The following HHIPL1 variants were observed in gnomAD, a reference collection of about 807,000 sequenced individuals.
The protein encoded by HHIPL1 is HHIP like 1.
Under a neutral mutation model 61.8 loss-of-function variants are expected in HHIPL1, and 43 were observed. That is an observed-to-expected ratio of 0.70 (90% CI 0.55 to 0.90). The LOEUF is 0.90. Ranked by LOEUF, HHIPL1 falls within the 40% of genes least tolerant of loss-of-function variation. The pLI is 0.00. For missense variants in HHIPL1, 1,056 were observed against 1,157.7 expected (o/e 0.91, Z 1.28); for synonymous variants, 482 against 515.8 (o/e 0.93, Z 0.89).
chr14:99,636,544 C>T, the HHIPL1 span, among the ~76,000 whole-genome samples: 7 of 152,128 alleles, frequency 4.6e-5, no homozygotes, highest in Non-Finnish European at 7.3e-5. Flanking sequence ...ACAGTCTGAG[C>T]TGCTTTTTGG....
chr14:99,669,391 A>G, intron 7 of HHIPL1: 1 of 948,468 alleles, frequency 1.1e-6, no homozygotes, highest in East Asian at 1.2e-4. Context: ...GCAAGGCCTG[A>G]GGTTGCACTC....
At chr14:99,611,830 A>T in the HHIPL1 span, among the ~76,000 whole-genome samples, 1 of 151,668 alleles carries the variant, frequency 6.6e-6, no homozygotes, top group Non-Finnish European at 1.5e-5. Context: ...TCACATCTAT[A>T]CCAAGACAGA....
upstream of HHIPL1, among the ~76,000 whole-genome samples, chr14:99,644,386 T>C (rs2055793082): frequency 6.6e-6 from 1 of 150,638 alleles, no homozygotes; most frequent in South Asian, 2.1e-4. Context: ...AGTGTGTGTG[T>C]GTTTGTCTGT....
chr14:99,618,844 G>A, the HHIPL1 span, among the ~76,000 whole-genome samples: 1 of 152,256 alleles, frequency 6.6e-6, no homozygotes, highest in Non-Finnish European at 1.5e-5. Flanking sequence ...CACATCTGGT[G>A]TATGGGGTTG....
the HHIPL1 span, among the ~76,000 whole-genome samples, chr14:99,622,979 A>G: frequency 6.6e-6 from 1 of 152,252 alleles, no homozygotes; most frequent in African/African-American, 2.4e-5. Flanking sequence ...GCAAAGTGCC[A>G]TGAACAAGAC....
chr14:99,658,776 G>T (rs1412487178), intron 3 of HHIPL1, among the ~76,000 whole-genome samples: 2 of 150,198 alleles, frequency 1.3e-5, no homozygotes, highest in East Asian at 2.0e-4. Context: ...CCACCAACCC[G>T]CACGCTGGTG....
chr14:99,608,149 C>T, the HHIPL1 span, among the ~76,000 whole-genome samples: 2 of 151,978 alleles, frequency 1.3e-5, no homozygotes, highest in Non-Finnish European at 2.9e-5. Flanking sequence ...CACTATTACA[C>T]CTTGCAGCTG....
At chr14:99,667,304 T>C (rs940982438) in intron 6 of HHIPL1, among the ~76,000 whole-genome samples, 1 of 150,410 alleles carries the variant, frequency 6.6e-6, no homozygotes, top group Non-Finnish European at 1.5e-5. Context: ...GACAAGTCAC[T>C]TGACTTCTCT....
In HHIPL1 at chr14:99,660,511, G is replaced by T; in HGVS notation, c.1502+105G>T. The stretch of plus-strand genomic sequence containing the variant: ...TGTGTGCGCCCGTTCCTGCACATGT[G>T]CCTCGCTGCTCTGACAGGGGCCCCT... On this transcript the variant is annotated intron_variant, in intron 5 of 8. Coordinates refer to ENST00000330710, the MANE Select transcript of HHIPL1 (RefSeq NM_001127258.3). This position sits in a 1 kb window ranked among gnomAD's most constrained non-coding sequence, Gnocchi z 4.9. 1 of 1,389,716 alleles carries T rather than the reference G, an allele frequency of 7.2e-7. No homozygotes were observed. 86.1% of individuals were successfully genotyped at this position (1,389,716 alleles called of 1,614,324 possible). A position where few individuals can be genotyped will look rare whatever the true frequency, so the allele number is the denominator to read the frequency against.
In HHIPL1 at chr14:99,659,430, C is replaced by T. The variant is rs755723325; in HGVS notation, c.1049C>T (p.Ser350Leu). The change falls in exon 4 of 9, where the codon TCG (serine) becomes TTG (leucine). Residue 350 changes from serine (S) to leucine (L), a missense_variant and splice_region_variant. Ser to Leu is a moderately radical substitution (Grantham distance 145). Transcript: ENST00000330710. ...FGTFGNAQNK[S>L]ALLGKVLRID... ...GCCCTCTCCCACCCCGCCCGCAGGT[C>T]GGCGCTGCTGGGCAAGGTGCTGCGC... is the stretch of plus-strand genomic sequence containing the variant. 225 of 1,442,502 alleles carry T rather than the reference C, an allele frequency of 1.6e-4. No individual in the cohort carries two copies. Among genetic ancestry groups the T allele is most frequent in the Admixed American group, 2.6e-4 (10 of 38,400 alleles). The allele number at this position is 1,442,502 out of a possible 1,614,324, so 89.4% of individuals were successfully genotyped here.
rs2056394454 is a variant in HHIPL1 at position 99,676,552 on chromosome 14, T to G, written c.*926T>G. 1 of 152,456 alleles carries G rather than the reference T, an allele frequency of 6.6e-6. No homozygotes were observed. Among genetic ancestry groups the G allele is most frequent in the Non-Finnish European group, 1.5e-5 (1 of 68,128 alleles). The allele number at this position is 152,456 out of a possible 1,614,324, so 9.4% of individuals were successfully genotyped here. Reference sequence around the variant, plus strand: ...CCTTTCCATCCCCATCCCTGCTCAGTGTAAACCCAGGAGACCTGATTCCTC... The same window carrying G: ...CCTTTCCATCCCCATCCCTGCTCAGGGTAAACCCAGGAGACCTGATTCCTC... On this transcript the variant is annotated 3_prime_UTR_variant, in exon 9 of 9. Coordinates refer to ENST00000330710, the MANE Select transcript of HHIPL1 (RefSeq NM_001127258.3).
At position 99,659,687 on chromosome 14, in the gene HHIPL1, A is replaced by C. The variant is rs2056112001; in HGVS notation, c.1306A>C (p.Asn436His). The C allele has an allele frequency of 6.5e-7, 1 of 1,526,908 alleles. No homozygotes were observed. The highest frequency in any genetic ancestry group is 8.8e-7 in the Non-Finnish European group (1 of 1,142,262). 94.6% of individuals were successfully genotyped at this position (1,526,908 alleles called of 1,614,324 possible). A position where few individuals can be genotyped will look rare whatever the true frequency, so the allele number is the denominator to read the frequency against. ...GGTGGACGTGGTGGAGCGCGGCGGC[A>C]ACTATGGCTGGCGCGCGCGCGAAGG... ...EEVDVVERGGNYGWRAREGFE... is the reference protein window; with the variant it reads ...EEVDVVERGGHYGWRAREGFE... The change falls in exon 4 of 9, where the codon AAC becomes CAC. Residue 436 changes from asparagine (N) to histidine (H), a missense_variant. Asn to His is a moderately conservative substitution (Grantham distance 68). Transcript: ENST00000330710.
At chr14:99,630,289 A>G in the HHIPL1 span, among the ~76,000 whole-genome samples, 1 of 152,224 alleles carries the variant, frequency 6.6e-6, no homozygotes, top group East Asian at 1.9e-4. Flanking sequence ...GTGGTTAATA[A>G]CAAGGGAGAG....
rs1248814848 is a variant in HHIPL1 at position 99,675,846 on chromosome 14, T to C, written c.*220T>C. 1.8e-5 allele frequency: 8 copies of C among 446,138 alleles called. No individual in the cohort carries two copies. In the East Asian group the frequency reaches 2.8e-4, roughly 16 times the overall value. The allele number at this position is 446,138 out of a possible 1,614,324, so 27.6% of individuals were successfully genotyped here. On this transcript the variant is annotated 3_prime_UTR_variant, in exon 9 of 9. Coordinates refer to ENST00000330710, the MANE Select transcript of HHIPL1 (RefSeq NM_001127258.3). The surrounding 1 kb of genome is among the most constrained non-coding windows in gnomAD (Gnocchi z 5.4). ...GGGCGGTGTGGGCTCTGGAAGTGCATGGTCCATCATGGGCGGGAGGAGTTC... is the reference window on the plus strand; with the variant it reads ...GGGCGGTGTGGGCTCTGGAAGTGCACGGTCCATCATGGGCGGGAGGAGTTC...
At chr14:99,615,705 GAAA>G in the HHIPL1 span, among the ~76,000 whole-genome samples, 34 of 151,014 alleles carry the variant, frequency 2.3e-4, no homozygotes, top group African/African-American at 8.3e-4. Flanking sequence ...GAGAAAGAAA[GAAA>G]GAAGGAAAGA....
rs2056334521 is a variant in HHIPL1, at chr14:99,672,321, G to A, written c.1735G>A (p.Ala579Thr). ...CCTCCTGTGTGTCGTTGGCAGGCGG[G>A]CACCACCTGGCAAATGTCAGATCCA... ...VYKIIDASRR[A>T]PPGKCQIQPA... The change falls in exon 8 of 9, where the codon GCA becomes ACA. Residue 579 changes from alanine (A) to threonine (T), a missense_variant. Coordinates refer to ENST00000330710, the MANE Select transcript of HHIPL1 (RefSeq NM_001127258.3). 7 of 1,550,944 alleles carry A rather than the reference G, an allele frequency of 4.5e-6. No homozygotes were observed. Among genetic ancestry groups the A allele is most frequent in the Admixed American group, 2.0e-5 (1 of 50,972 alleles).
upstream of HHIPL1, among the ~76,000 whole-genome samples, chr14:99,641,297 A>G (rs2140042666): frequency 6.6e-6 from 1 of 152,264 alleles, no homozygotes; most frequent in South Asian, 2.1e-4. Context: ...TCACTCCTGA[A>G]GGATAATTTC....
Position 99,675,506 on chromosome 14 carries a change from G to A in HHIPL1, c.2229G>A (p.Val743=), listed in dbSNP as rs1379034389. 6 of 1,543,022 alleles carry A rather than the reference G, an allele frequency of 3.9e-6. No individual in the cohort carries two copies. The Admixed American group carries it at 9.8e-5, about 25-fold the overall frequency. The change falls in exon 9 of 9, where the codon GTG becomes GTA. Residue 743 remains valine, a synonymous_variant. Coordinates refer to ENST00000330710, the MANE Select transcript of HHIPL1 (RefSeq NM_001127258.3). This position sits in a 1 kb window ranked among gnomAD's most constrained non-coding sequence, Gnocchi z 5.4. The part of the protein sequence containing the change: ...GGSLPILLDD[V]RCAGWERNLL... ...CGCTGCCCATTCTGCTGGACGATGT[G>A]CGCTGCGCGGGCTGGGAGCGGAACC... is the stretch of plus-strand genomic sequence containing the variant.
chr14:99,668,914 C>G lies in HHIPL1; in HGVS notation c.1730+611C>G, dbSNP rs760359859. 3.7e-6 allele frequency: 6 copies of G among 1,612,942 alleles called. No homozygotes were observed. The Admixed American group carries it at 1.0e-4, about 27-fold the overall frequency. On this transcript the variant is annotated intron_variant, in intron 7 of 8. Transcript: ENST00000330710. This position sits in a 1 kb window ranked among gnomAD's most constrained non-coding sequence, Gnocchi z 4.7. Reference sequence around the variant, plus strand: ...ATTGACGTCTCAGCCGTTCATTTTACAGTGGTGGAAATGAGCACAAAGACA... The same window carrying G: ...ATTGACGTCTCAGCCGTTCATTTTAGAGTGGTGGAAATGAGCACAAAGACA...
Sources: allele counts gnomAD v4.1 joint callset (sites outside exome capture counted in the v4.1 genomes callset), GRCh38; gene constraint gnomAD v4.1.1; non-coding constraint Gnocchi (gnomAD v3.1); transcripts MANE v1.5; gene names NCBI Gene and HGNC (gene_info 2026-07-23, HGNC 2026-07-21).